Variants in CLSTN2 observed in about 807,000 individuals in gnomAD.
The protein encoded by CLSTN2 is calsyntenin-2.
CLSTN2 carries 48 observed loss-of-function variants against 101.2 expected under a neutral mutation model. The observed-to-expected ratio is 0.47, with a 90% CI of 0.38 to 0.60. CLSTN2 has a LOEUF of 0.60. Among genes scored for constraint, CLSTN2 ranks in the 20% least tolerant of loss-of-function variants. CLSTN2 has a pLI of 0.00. For synonymous variants in CLSTN2, 481 were observed against 463.6 expected (o/e 1.04, Z -0.48); for missense variants, 1,160 against 1,238.2 (o/e 0.94, Z 0.95).
intron 2 of CLSTN2, among the ~76,000 whole-genome samples, chr3:140,288,646 C>T (rs1048384294): frequency 6.6e-6 from 1 of 152,200 alleles, no homozygotes; most frequent in Admixed American, 6.5e-5. Context: ...CTTCTTCTCA[C>T]TATGCCCAGT....
chr3:140,512,915 G>T (rs1231230164), intron 8 of CLSTN2, among the ~76,000 whole-genome samples: 1 of 152,018 alleles, frequency 6.6e-6, no homozygotes, highest in Admixed American at 6.6e-5. Context: ...TTCTCTGCTT[G>T]CATGTTGTTG....
At chr3:140,366,332 T>C (rs2107953677) in intron 2 of CLSTN2, among the ~76,000 whole-genome samples, 1 of 152,308 alleles carries the variant, frequency 6.6e-6, no homozygotes, top group Non-Finnish European at 1.5e-5. Context: ...CCTAGAGCAA[T>C]CAGTCTGATT....
intron 5 of CLSTN2, among the ~76,000 whole-genome samples, chr3:140,422,499 A>G (rs1473880274): frequency 6.6e-6 from 1 of 152,146 alleles, no homozygotes; most frequent in African/African-American, 2.4e-5. Context: ...TCTCCCTAAA[A>G]CTTAAAACTG....
intron 1 of CLSTN2, among the ~76,000 whole-genome samples, chr3:140,099,792 C>A (rs2107789438): frequency 6.6e-6 from 1 of 152,296 alleles, no homozygotes; most frequent in South Asian, 2.1e-4. Context: ...TTTGCCAACC[C>A]TGAAGAAAAT....
chr3:140,138,284 G>C (rs577076148), intron 1 of CLSTN2, among the ~76,000 whole-genome samples: 13 of 152,198 alleles, frequency 8.5e-5, no homozygotes, highest in Non-Finnish European at 1.6e-4. Flanking sequence ...CTTAAAAAGG[G>C]GGGGAAGAAC....
chr3:140,286,009 G>A lies in CLSTN2; in HGVS notation c.232+109936G>A, dbSNP rs571269799. Among the ~76,000 whole-genome samples, 132 of 152,272 alleles carry A rather than the reference G, an allele frequency of 8.7e-4. 1 individual carries two copies. The highest frequency in any genetic ancestry group is 2.9e-3 in the African/African-American group (122 of 41,554). On this transcript the variant is annotated intron_variant, in intron 2 of 16. Coordinates refer to ENST00000458420, the MANE Select transcript of CLSTN2 (RefSeq NM_022131.3). ...CTCTAGGGTGTTTGTGACAATGCAG[G>A]GGTGTTGTAATAACTGTGAAACTTT...
intron 2 of CLSTN2, among the ~76,000 whole-genome samples, chr3:140,250,248 A>G (rs1157698740): frequency 1.3e-5 from 2 of 152,116 alleles, no homozygotes; most frequent in Non-Finnish European, 2.9e-5. Flanking sequence ...ACTGGTACCC[A>G]CTCTGTGCCG....
chr3:140,240,178 A>G (rs868656418), intron 2 of CLSTN2, among the ~76,000 whole-genome samples: 5 of 9,274 alleles, frequency 5.4e-4, no homozygotes, highest in African/African-American at 7.5e-4. Flanking sequence ...CTCTCTCTAT[A>G]TATATATATA....
chr3:140,120,510 T>C (rs548968579), intron 1 of CLSTN2, among the ~76,000 whole-genome samples: 12 of 152,312 alleles, frequency 7.9e-5, no homozygotes, highest in African/African-American at 2.9e-4. Flanking sequence ...GATTAAGCCA[T>C]TGGCCACTGG....
chr3:140,517,456 G>A (rs1330779821), intron 8 of CLSTN2, among the ~76,000 whole-genome samples: 1 of 152,156 alleles, frequency 6.6e-6, no homozygotes, highest in Non-Finnish European at 1.5e-5. Flanking sequence ...CTATGTCAGA[G>A]GGAGGATTTG....
intron 1 of CLSTN2, among the ~76,000 whole-genome samples, chr3:140,168,919 G>A (rs559047724): frequency 6.6e-6 from 1 of 152,106 alleles, no homozygotes; most frequent in Non-Finnish European, 1.5e-5. Context: ...TTCAAAATTA[G>A]GTAGTATAAG....
At chr3:140,210,709 C>T (rs1024893613) in intron 2 of CLSTN2, among the ~76,000 whole-genome samples, 1 of 152,068 alleles carries the variant, frequency 6.6e-6, no homozygotes, top group Non-Finnish European at 1.5e-5. Flanking sequence ...ATGCTACTTT[C>T]CTGGGTATTT....
chr3:140,128,981 T>C (rs2009479808), intron 1 of CLSTN2, among the ~76,000 whole-genome samples: 1 of 151,816 alleles, frequency 6.6e-6, no homozygotes, highest in Non-Finnish European at 1.5e-5. Flanking sequence ...TGGGGTAGAG[T>C]CAATAGTGTT....
At chr3:140,192,695 T>C (rs534572279) in intron 2 of CLSTN2, among the ~76,000 whole-genome samples, 152 of 152,026 alleles carry the variant, frequency 1.0e-3, no homozygotes, top group South Asian at 1.5e-3. Context: ...AAACTGCCTC[T>C]GTTGAAGTAA....
intron 1 of CLSTN2, among the ~76,000 whole-genome samples, chr3:140,027,118 C>A (rs1025418075): frequency 6.6e-6 from 1 of 152,180 alleles, no homozygotes; most frequent in Admixed American, 6.5e-5. Flanking sequence ...CAGCCCAGGG[C>A]GTTCATCAGA....
intron 2 of CLSTN2, among the ~76,000 whole-genome samples, chr3:140,336,697 T>G (rs1040052118): frequency 2.0e-5 from 3 of 152,234 alleles, no homozygotes; most frequent in Non-Finnish European, 4.4e-5. Flanking sequence ...AAGACTTTGT[T>G]GAAAACCAAC....
chr3:139,942,571 C>T (rs776860003), intron 1 of CLSTN2, among the ~76,000 whole-genome samples: 10 of 152,222 alleles, frequency 6.6e-5, no homozygotes, highest in East Asian at 1.9e-4. Context: ...ATGGCAAGGG[C>T]GGGAGGAGAT....
chr3:140,344,246 C>T (rs1236078331), intron 2 of CLSTN2, among the ~76,000 whole-genome samples: 1 of 152,182 alleles, frequency 6.6e-6, no homozygotes, highest in African/African-American at 2.4e-5. Context: ...CTGCTCTACA[C>T]ACAGCTCATT....
intron 6 of CLSTN2, among the ~76,000 whole-genome samples, chr3:140,453,999 A>T (rs1308926316): frequency 2.0e-5 from 3 of 152,216 alleles, no homozygotes; most frequent in Non-Finnish European, 4.4e-5. Flanking sequence ...TCCCAGCATG[A>T]CAGTGTCAGT....
Sources: allele counts gnomAD v4.1 joint callset (sites outside exome capture counted in the v4.1 genomes callset), GRCh38; gene constraint gnomAD v4.1.1; transcripts MANE v1.5; gene names NCBI Gene and HGNC (gene_info 2026-07-23, HGNC 2026-07-21).